The following NGEF variants were observed in gnomAD, a reference collection of about 807,000 sequenced individuals.
NGEF encodes the protein ephexin-1.
A neutral mutation model predicts 80.9 loss-of-function variants in NGEF; 31 were observed. The ratio of observed to expected loss-of-function variants is 0.38; its 90% CI spans 0.29 to 0.52. The LOEUF (loss-of-function observed/expected upper bound fraction) is 0.52, where lower values mean the gene tolerates loss of function less well. NGEF is among the 20% of genes least tolerant of loss of function. The pLI is 0.84. For missense variants in NGEF, 709 were observed against 926.2 expected (o/e 0.77, Z 3.04); for synonymous variants, 371 against 370.2 (o/e 1.00, Z -0.03).
rs374136643 is a variant in NGEF at position 233,003,409 on chromosome 2, C to T, written c.-75+9659G>A. The stretch of plus-strand genomic sequence containing the variant: ...CCCTCTCTTGGCTTTTCTCTTCAAA[C>T]GTCTCCTGACTAGGTTCTGGCAATG... On this transcript the variant is annotated intron_variant, in intron 1 of 14. Coordinates refer to ENST00000264051, the MANE Select transcript of NGEF (RefSeq NM_019850.3). Among the ~76,000 whole-genome samples the T allele has an allele frequency of 1.4e-4, 21 of 152,356 alleles. No individual in the cohort carries two copies. In the East Asian group the frequency reaches 1.9e-3, roughly 14 times the overall value.
intron 5 of NGEF, among the ~76,000 whole-genome samples, chr2:232,900,047 C>T (rs1184521006): frequency 6.7e-6 from 1 of 148,270 alleles, no homozygotes; most frequent in African/African-American, 2.5e-5. Context: ...CTCACACACA[C>T]ACGCTCTCAC....
chr2:232,885,463 C>T, intron 9 of NGEF, 94 bp from the exon 10 acceptor site: 1 of 978,676 alleles, frequency 1.0e-6, no homozygotes, highest in African/African-American at 1.6e-5. Context: ...GCTGAGTGAC[C>T]ACCGTGACCA....
chr2:233,002,087 T>C (rs1694991181), intron 1 of NGEF, among the ~76,000 whole-genome samples: 2 of 152,094 alleles, frequency 1.3e-5, no homozygotes, highest in African/African-American at 4.8e-5. Flanking sequence ...TCCATTCGTC[T>C]CTCATCTAAA....
At chr2:232,941,379 A>G (rs1433478055) in intron 3 of NGEF, among the ~76,000 whole-genome samples, 2 of 152,230 alleles carry the variant, frequency 1.3e-5, no homozygotes, top group Non-Finnish European at 2.9e-5. Flanking sequence ...TCTAGTCCCC[A>G]GGCAAGAAGG....
At chr2:233,000,268 T>C (rs1407495959) in intron 1 of NGEF, among the ~76,000 whole-genome samples, 3 of 152,194 alleles carry the variant, frequency 2.0e-5, no homozygotes, top group Non-Finnish European at 4.4e-5. Flanking sequence ...GCTAATTTTT[T>C]TGTATTTTTT....
chr2:232,891,378 G>GT lies in NGEF; in HGVS notation c.1251dup (p.Arg418ThrfsTer18). 1 of 1,613,650 alleles carries GT rather than the reference G, an allele frequency of 6.2e-7. No homozygotes were observed. The highest frequency in any genetic ancestry group is 8.5e-7 in the Non-Finnish European group (1 of 1,179,956). ...TGTACCTGGACCAACAGCTTGAGGC[G>GT]TGTGATCCTCTGGAAAGGCAGGATG... On this transcript the variant is annotated frameshift_variant, in exon 8 of 15. Coordinates refer to ENST00000264051, the MANE Select transcript of NGEF (RefSeq NM_019850.3). LOFTEE classifies it high-confidence loss of function.
chr2:232,915,177 G>C (rs561216701), intron 5 of NGEF, among the ~76,000 whole-genome samples: 1 of 152,156 alleles, frequency 6.6e-6, no homozygotes, highest in Non-Finnish European at 1.5e-5. Flanking sequence ...GATTTTTTGG[G>C]GTTACTGGTA....
intron 10 of NGEF, among the ~76,000 whole-genome samples, 171 bp from the exon 11 acceptor site, chr2:232,884,315 G>T (rs999075238): frequency 6.6e-6 from 1 of 152,066 alleles, no homozygotes; most frequent in African/African-American, 2.4e-5. Context: ...AGATGGCAGG[G>T]CTGTGTGTGT....
At chr2:232,983,866 G>A (rs916514891) in intron 1 of NGEF, among the ~76,000 whole-genome samples, 1 of 152,150 alleles carries the variant, frequency 6.6e-6, no homozygotes, top group African/African-American at 2.4e-5. Flanking sequence ...ACGTTCTTAA[G>A]CCCACGTGGC....
intron 1 of NGEF, among the ~76,000 whole-genome samples, chr2:232,983,336 G>GT (rs1307690910): frequency 2.0e-5 from 3 of 152,112 alleles, no homozygotes; most frequent in East Asian, 1.9e-4. Flanking sequence ...AGAGAGGAGG[G>GT]TCCCCGAGCG....
intron 1 of NGEF, among the ~76,000 whole-genome samples, chr2:232,977,899 G>A (rs971032506): frequency 1.3e-5 from 2 of 152,212 alleles, no homozygotes; most frequent in African/African-American, 4.8e-5. Context: ...GGTTTTGAGA[G>A]CAGCGGACAA....
chr2:232,920,267 C>T lies in NGEF; in HGVS notation c.828+17G>A, dbSNP rs778026843. The T allele has an allele frequency of 1.2e-6, 2 of 1,603,210 alleles. No homozygotes were observed. Among genetic ancestry groups the T allele is most frequent in the Non-Finnish European group, 1.7e-6 (2 of 1,174,264 alleles). On this transcript the variant is annotated intron_variant, in intron 5 of 14. Transcript: ENST00000264051. ...CGGTGTGCTGTGGGGGAGCCCCCGC[C>T]CCTCGGCGCCTGTTACCTCCTGCAG...
intron 3 of NGEF, among the ~76,000 whole-genome samples, chr2:232,939,282 G>A (rs988591734): frequency 1.3e-5 from 2 of 150,398 alleles, no homozygotes; most frequent in African/African-American, 4.9e-5. Flanking sequence ...AAACTACATA[G>A]TTAAATCTAA....
intron 1 of NGEF, among the ~76,000 whole-genome samples, chr2:232,988,475 G>A (rs973437241): frequency 6.6e-6 from 1 of 152,232 alleles, no homozygotes; most frequent in African/African-American, 2.4e-5. Context: ...AGTTTGAAGA[G>A]TGATTGGTGC....
intron 3 of NGEF, among the ~76,000 whole-genome samples, chr2:232,928,875 A>T (rs1187256998): frequency 6.6e-6 from 1 of 152,238 alleles, no homozygotes; most frequent in Non-Finnish European, 1.5e-5. Flanking sequence ...TAGCTGGGTC[A>T]GTCCGCTCGC....
At chr2:232,943,651 A>G (rs1693488306) in intron 3 of NGEF, among the ~76,000 whole-genome samples, 1 of 151,430 alleles carries the variant, frequency 6.6e-6, no homozygotes, top group South Asian at 2.1e-4. Flanking sequence ...GCCCGCCACT[A>G]GACCCGACTA....
chr2:232,996,821 G>T (rs1268824545), intron 1 of NGEF, among the ~76,000 whole-genome samples: 4 of 145,474 alleles, frequency 2.7e-5, no homozygotes, highest in African/African-American at 8.6e-5. Context: ...ATGGTTAAAA[G>T]ATTTTTTTAA....
rs6706049 is a variant in NGEF, at chr2:233,011,546, C to T, written c.-75+1522G>A. ...TGGGCTATTTTGTTACTGGTACAAGCTTCCGGTCTCCCACAGGCCAAGGGA... is the reference window on the plus strand; with the variant it reads ...TGGGCTATTTTGTTACTGGTACAAGTTTCCGGTCTCCCACAGGCCAAGGGA... On this transcript the variant is annotated intron_variant, in intron 1 of 14. Coordinates refer to ENST00000264051, the MANE Select transcript of NGEF (RefSeq NM_019850.3). 1.2e-3 allele frequency among the ~76,000 whole-genome samples: 183 copies of T among 149,648 alleles called. 1 individual carries two copies. Among genetic ancestry groups the T allele is most frequent in the African/African-American group, 4.4e-3 (178 of 40,470 alleles).
At chr2:232,981,412 A>G (rs1295496789) in intron 1 of NGEF, among the ~76,000 whole-genome samples, 1 of 152,128 alleles carries the variant, frequency 6.6e-6, no homozygotes, top group Admixed American at 6.5e-5. Flanking sequence ...AGTAGAAATT[A>G]CGGTTTAGGG....
Sources: allele counts gnomAD v4.1 joint callset (sites outside exome capture counted in the v4.1 genomes callset), GRCh38; gene constraint gnomAD v4.1.1; transcripts MANE v1.5; gene names NCBI Gene and HGNC (gene_info 2026-07-23, HGNC 2026-07-21).